SLC71A2: variants seen among roughly 807,000 people sequenced by gnomAD.
The protein encoded by SLC71A2 is solute carrier family 71 member 2, also known as hippocampus abundant transcript-like 1.
the SLC71A2 span, among the ~76,000 whole-genome samples, chr9:94,424,689 A>G: frequency 2.1e-5 from 3 of 145,410 alleles, no homozygotes; most frequent in African/African-American, 7.6e-5. Context: ...TGCATTGACT[A>G]TAGATTGATT....
chr9:94,390,885 G>GCATA, the SLC71A2 span, among the ~76,000 whole-genome samples: 1 of 152,000 alleles, frequency 6.6e-6, no homozygotes, highest in Non-Finnish European at 1.5e-5. Flanking sequence ...GTGTAACTAT[G>GCATA]CATAGCTTAT....
At chr9:94,379,794 A>G in the SLC71A2 span, among the ~76,000 whole-genome samples, 1 of 152,196 alleles carries the variant, frequency 6.6e-6, no homozygotes, top group Non-Finnish European at 1.5e-5. Context: ...TGATAATTTT[A>G]TATCTTATTT....
the SLC71A2 span, among the ~76,000 whole-genome samples, chr9:94,425,969 C>T: frequency 6.6e-6 from 1 of 151,956 alleles, no homozygotes; most frequent in Non-Finnish European, 1.5e-5. Context: ...AGGCTGTAGC[C>T]AGTTTTCCAC....
chr9:94,379,800 T>G, the SLC71A2 span, among the ~76,000 whole-genome samples: 3 of 152,258 alleles, frequency 2.0e-5, no homozygotes, highest in East Asian at 5.8e-4. Flanking sequence ...TTTTATATCT[T>G]ATTTTGATGT....
chr9:94,377,875 C>T, the SLC71A2 span, among the ~76,000 whole-genome samples: 12 of 152,034 alleles, frequency 7.9e-5, no homozygotes, highest in South Asian at 4.2e-4. Flanking sequence ...GGGAGGCTGA[C>T]GTGGGCGGAT....
At chr9:94,444,772 T>G in the SLC71A2 span, among the ~76,000 whole-genome samples, 1 of 152,236 alleles carries the variant, frequency 6.6e-6, no homozygotes, top group African/African-American at 2.4e-5. Context: ...ATTCTTAAAA[T>G]TTATATGCAA....
chr9:94,443,791 G>A, the SLC71A2 span, among the ~76,000 whole-genome samples: 2 of 152,084 alleles, frequency 1.3e-5, no homozygotes, highest in East Asian at 1.9e-4. Flanking sequence ...TTTGCTTGTC[G>A]TTGCAGTTTA....
chr9:94,414,263 A>G, the SLC71A2 span, among the ~76,000 whole-genome samples: 1 of 152,158 alleles, frequency 6.6e-6, no homozygotes, highest in African/African-American at 2.4e-5. Context: ...TGTCACCACA[A>G]GTTTGGAGGG....
chr9:94,394,956 T>C, the SLC71A2 span, among the ~76,000 whole-genome samples: 2 of 85,328 alleles, frequency 2.3e-5, no homozygotes, highest in Admixed American at 1.1e-4. Context: ...CTCTGTCGCC[T>C]AGGCTGGAGT....
the SLC71A2 span, among the ~76,000 whole-genome samples, chr9:94,378,393 C>T: frequency 7.1e-4 from 108 of 152,096 alleles, no homozygotes; most frequent in African/African-American, 2.5e-3. Flanking sequence ...AGATCTTGGC[C>T]GCGTGCGGTG....
the SLC71A2 span, among the ~76,000 whole-genome samples, chr9:94,440,638 T>C: frequency 1.3e-5 from 2 of 152,112 alleles, no homozygotes; most frequent in African/African-American, 4.8e-5. Context: ...AATCATTTGT[T>C]GTATGTCTTT....
the SLC71A2 span, chr9:94,454,142 G>A: frequency 2.9e-6 from 3 of 1,018,368 alleles, no homozygotes; most frequent in East Asian, 2.4e-5. Context: ...GTGGTTGGGT[G>A]TGATGAGAAG....
chr9:94,383,506 G>T, the SLC71A2 span, among the ~76,000 whole-genome samples: 1 of 151,972 alleles, frequency 6.6e-6, no homozygotes, highest in Non-Finnish European at 1.5e-5. Flanking sequence ...ATATTAGTCA[G>T]TCTCTGAACT....
the SLC71A2 span, among the ~76,000 whole-genome samples, chr9:94,411,882 C>T: frequency 6.6e-6 from 1 of 152,178 alleles, no homozygotes; most frequent in African/African-American, 2.4e-5. Flanking sequence ...TGAGCCACTT[C>T]CCCTGGCCCA....
At chr9:94,385,301 C>T in the SLC71A2 span, among the ~76,000 whole-genome samples, 2 of 152,178 alleles carry the variant, frequency 1.3e-5, no homozygotes, top group African/African-American at 4.8e-5. Flanking sequence ...TCCAAGAAGT[C>T]ATTGCCAAAT....
At chr9:94,422,707 C>A in the SLC71A2 span, among the ~76,000 whole-genome samples, 1 of 152,040 alleles carries the variant, frequency 6.6e-6, no homozygotes, top group Non-Finnish European at 1.5e-5. Flanking sequence ...TGAAGTTAAC[C>A]CCCTTTACGT....
the SLC71A2 span, among the ~76,000 whole-genome samples, chr9:94,390,175 C>G: frequency 6.6e-6 from 1 of 151,900 alleles, no homozygotes; most frequent in Non-Finnish European, 1.5e-5. Flanking sequence ...GATCGCGCCA[C>G]TGCATTCCAG....
At chr9:94,375,681 G>A in the SLC71A2 span, among the ~76,000 whole-genome samples, 1 of 151,796 alleles carries the variant, frequency 6.6e-6, no homozygotes, top group African/African-American at 2.4e-5. Flanking sequence ...AATAGAAACT[G>A]ACACAATGGG....
the SLC71A2 span, among the ~76,000 whole-genome samples, chr9:94,440,532 T>G: frequency 6.6e-6 from 1 of 152,008 alleles, no homozygotes; most frequent in Non-Finnish European, 1.5e-5. Context: ...TTAAACTGGG[T>G]TTTTAAAAAA....
Sources: allele counts gnomAD v4.1 joint callset (sites outside exome capture counted in the v4.1 genomes callset), GRCh38; gene constraint gnomAD v4.1.1; transcripts MANE v1.5; gene names NCBI Gene and HGNC (gene_info 2026-07-23, HGNC 2026-07-21).